ADAMTS7: variants seen among roughly 807,000 people sequenced by gnomAD.
The protein encoded by ADAMTS7 is A disintegrin and metalloproteinase with thrombospondin motifs 7.
ADAMTS7 carries 89 observed loss-of-function variants against 172.6 expected under a neutral mutation model. The ratio of observed to expected loss-of-function variants is 0.52; its 90% CI spans 0.43 to 0.61. The LOEUF (loss-of-function observed/expected upper bound fraction) is 0.61, where lower values mean the gene tolerates loss of function less well. Among genes scored for constraint, ADAMTS7 ranks in the 20% least tolerant of loss-of-function variants. The pLI, the probability that ADAMTS7 is intolerant of heterozygous loss-of-function variation, is 0.00. For missense variants in ADAMTS7, 1,973 were observed against 2,355.6 expected, an observed-to-expected ratio of 0.84 and a Z score of 3.36; for synonymous variants, 885 against 978.4, an observed-to-expected ratio of 0.90 and a Z score of 1.78.
rs1596193968 is a variant in ADAMTS7, at chr15:78,790,694, T to C, written c.1004A>G (p.His335Arg). The part of the protein sequence containing the change: ...NMKGDAHPLH[H>R]DTAILLTRKD... ...CCTGGTGAGCAGGATGGCAGTGTCA[T>C]GGTGCAGGGGATGGGCATCCCCCTT... Residue 335 changes from histidine (H) to arginine (R), a missense_variant, in exon 6 of 24, where the codon CAT becomes CGT. Physicochemically the swap from His to Arg is conservative, Grantham distance 29 (BLOSUM62 0). This residue lies in a region of ADAMTS7 where 526 missense variants were observed against 662.9 expected (regional missense o/e 0.79). Transcript: ENST00000388820. 1 of 1,613,904 alleles carries C rather than the reference T, an allele frequency of 6.2e-7. No homozygotes were observed. The highest frequency in any genetic ancestry group is 1.3e-5 in the African/African-American group (1 of 75,036).
rs548005559 is a variant in ADAMTS7 at position 78,764,085 on chromosome 15, G to A, written c.4434C>T (p.Cys1478=). ...SGNWSKCSRS[C]GGGSSVRDVQ... The stretch of plus-strand genomic sequence containing the variant: ...CGTCCCGCACTGAGGAACCTCCGCC[G>A]CAGCTGCGGGAGCACTGGGGACCGA... The change falls in exon 21 of 24, where the codon TGC becomes TGT. Residue 1478 remains cysteine, a synonymous_variant. Coordinates refer to ENST00000388820, the MANE Select transcript of ADAMTS7 (RefSeq NM_014272.5). 14 of 1,526,076 alleles carry A rather than the reference G, an allele frequency of 9.2e-6. No individual in the cohort carries two copies. Among genetic ancestry groups the A allele is most frequent in the East Asian group, 4.9e-5 (2 of 40,712 alleles). The allele number at this position is 1,526,076 out of a possible 1,614,324, so 94.5% of individuals were successfully genotyped here.
At position 78,765,954 on chromosome 15, in the gene ADAMTS7, G is replaced by A; in HGVS notation, c.3957C>T (p.Thr1319=). ...SLEPGTPSFP[T]PGPGSWDLQT... is the part of the protein sequence containing the mutation. ...GCAGGTCCCATGAGCCTGGTCCTGG[G>A]GTTGGGAAGGAGGGAGTCCCCGGCT... Residue 1319 remains threonine, a synonymous_variant, in exon 19 of 24, where the codon ACC becomes ACT. Transcript: ENST00000388820. 1.3e-6 allele frequency: 2 copies of A among 1,591,430 alleles called. No individual in the cohort carries two copies. The highest frequency in any genetic ancestry group is 1.7e-6 in the Non-Finnish European group (2 of 1,173,606).
At chr15:78,797,412 C>A (rs1395081644) in intron 3 of ADAMTS7, among the ~76,000 whole-genome samples, 1 of 152,268 alleles carries the variant, frequency 6.6e-6, no homozygotes, top group Non-Finnish European at 1.5e-5. Context: ...GCCAAGCATT[C>A]CCCAAACCCC....
At position 78,790,620 on chromosome 15, in the gene ADAMTS7, G is replaced by A. The variant is rs779520827; in HGVS notation, c.1028+50C>T. On this transcript the variant is annotated intron_variant, in intron 6 of 23. Transcript: ENST00000388820. Reference sequence around the variant, plus strand: ...CCACCAGGGCTTCTTCTGCAGGGCCGGGAAGCACCTCCTGAGATGCAGGCT... The same window carrying A: ...CCACCAGGGCTTCTTCTGCAGGGCCAGGAAGCACCTCCTGAGATGCAGGCT... The A allele has an allele frequency of 5.6e-6, 9 of 1,604,278 alleles. No homozygotes were observed. In the Admixed American group the frequency reaches 1.0e-4, roughly 18 times the overall value.
chr15:78,781,174 C>T (rs1446897691), intron 8 of ADAMTS7, among the ~76,000 whole-genome samples: 1 of 152,208 alleles, frequency 6.6e-6, no homozygotes, highest in Non-Finnish European at 1.5e-5. Context: ...GTCCTAGAAA[C>T]ACTGCCTGAC....
At chr15:78,774,322 T>A in intron 12 of ADAMTS7, 22 bp from the exon 13 acceptor site, 2 of 1,546,940 alleles carry the variant, frequency 1.3e-6, no homozygotes, top group South Asian at 1.2e-5. Context: ...AGTAGAAGAG[T>A]CATCAGCAAC....
chr15:78,793,595 C>T (rs2055608217), intron 4 of ADAMTS7, among the ~76,000 whole-genome samples: 1 of 152,158 alleles, frequency 6.6e-6, no homozygotes, highest in African/African-American at 2.4e-5. Flanking sequence ...TCACAGTGCA[C>T]TACTGGCATT....
Position 78,798,054 on chromosome 15 carries a change from C to G in ADAMTS7, c.516G>C (p.Pro172=), listed in dbSNP as rs779680709. The part of the protein sequence containing the change: ...DYFIEPLDSA[P]ARPGHAQPHV... ...GGGGCTGGGCGTGGCCAGGCCGGGC[C>G]GGGGCACTGTCCAGGGGCTCAATGA... Residue 172 remains proline (P), a synonymous_variant, in exon 3 of 24, where the codon CCG becomes CCC. Coordinates refer to ENST00000388820, the MANE Select transcript of ADAMTS7 (RefSeq NM_014272.5). 2 of 1,569,880 alleles carry G rather than the reference C, an allele frequency of 1.3e-6. No individual in the cohort carries two copies. Among genetic ancestry groups the G allele is most frequent in the Non-Finnish European group, 1.7e-6 (2 of 1,165,334 alleles).
In ADAMTS7 at chr15:78,774,178, C is replaced by T. The variant is rs368069631; in HGVS notation, c.1999G>A (p.Gly667Ser). Residue 667 changes from glycine (G) to serine (S), a missense_variant, in exon 13 of 24, where the codon GGC becomes AGC. Physicochemically the swap from Gly to Ser is moderately conservative, Grantham distance 56. This residue lies in a region of ADAMTS7 where 526 missense variants were observed against 662.9 expected (regional missense o/e 0.79). Transcript: ENST00000388820. ...CTAACCAGGCACACCTTACAGATGCCGTTGATGCAGAGGTCCCGGCTGGCT... is the reference window on the plus strand; with the variant it reads ...CTAACCAGGCACACCTTACAGATGCTGTTGATGCAGAGGTCCCGGCTGGCT... ...VRASRDLCIN[G>S]ICKNVGCDFE... 34 of 1,591,994 alleles carry T rather than the reference C, an allele frequency of 2.1e-5. No individual in the cohort carries two copies. The highest frequency in any genetic ancestry group is 6.7e-5 in the African/African-American group (5 of 74,888).
Position 78,800,539 on chromosome 15 carries a change from T to C in ADAMTS7, c.109A>G (p.Thr37Ala). ...GAPGPAPGRA[T>A]EGRAALDIVH... is the part of the protein sequence containing the mutation. ...ATGTCCAGTGCCGCCCGGCCCTCGGTTGCACGTCCTGCAGGGAGAGAACCA... is the reference window on the plus strand; with the variant it reads ...ATGTCCAGTGCCGCCCGGCCCTCGGCTGCACGTCCTGCAGGGAGAGAACCA... Residue 37 changes from threonine (T) to alanine (A), a missense_variant, in exon 2 of 24, where the codon ACC becomes GCC. Physicochemically the swap from Thr to Ala is moderately conservative, Grantham distance 58. Coordinates refer to ENST00000388820, the MANE Select transcript of ADAMTS7 (RefSeq NM_014272.5). The C allele has an allele frequency of 6.3e-7, 1 of 1,593,068 alleles. No homozygotes were observed. The highest frequency in any genetic ancestry group is 8.5e-7 in the Non-Finnish European group (1 of 1,170,176).
chr15:78,778,806 G>T (rs892820434), intron 8 of ADAMTS7, among the ~76,000 whole-genome samples: 2 of 152,198 alleles, frequency 1.3e-5, no homozygotes, highest in African/African-American at 4.8e-5. Flanking sequence ...CAGGCAGGGG[G>T]TTGCACAGGG....
At chr15:78,796,870 C>G in intron 3 of ADAMTS7, 84 bp from the exon 4 acceptor site, 2 of 1,276,202 alleles carry the variant, frequency 1.6e-6, no homozygotes, top group East Asian at 2.5e-5. Context: ...AGTGAGCTCT[C>G]TCTGGGGCAC....
chr15:78,800,729 T>A (rs1480378167), intron 1 of ADAMTS7, among the ~76,000 whole-genome samples, 182 bp from the exon 2 acceptor site: 2 of 152,228 alleles, frequency 1.3e-5, no homozygotes, highest in African/African-American at 4.8e-5. Context: ...TTTCTCCATC[T>A]GGATCGTTGC....
rs1567220731 is a variant in ADAMTS7 at position 78,777,440 on chromosome 15, T to G, written c.1467+4A>C. The G allele has an allele frequency of 6.2e-7, 1 of 1,611,516 alleles. No individual in the cohort carries two copies. The highest frequency in any genetic ancestry group is 8.5e-7 in the Non-Finnish European group (1 of 1,179,132). ...ACCCCCACACCCACACCGGCCCCAC[T>G]CACATCCATGTCCTCGCAGAAGGCA... On this transcript the variant is annotated splice_donor_region_variant and intron_variant, in intron 9 of 23. Coordinates refer to ENST00000388820, the MANE Select transcript of ADAMTS7 (RefSeq NM_014272.5).
At chr15:78,801,156 C>T (rs2055719861) in intron 1 of ADAMTS7, among the ~76,000 whole-genome samples, 1 of 152,162 alleles carries the variant, frequency 6.6e-6, no homozygotes, top group South Asian at 2.1e-4. Flanking sequence ...TCATTCAAAA[C>T]CAGCGCGATC....
chr15:78,802,744 C>T (rs1257041514), intron 1 of ADAMTS7, among the ~76,000 whole-genome samples: 1 of 152,188 alleles, frequency 6.6e-6, no homozygotes, highest in African/African-American at 2.4e-5. Flanking sequence ...TGCCTGTAAT[C>T]CTAGCACTTT....
intron 8 of ADAMTS7, among the ~76,000 whole-genome samples, chr15:78,778,126 G>A (rs184732069): frequency 6.4e-4 from 96 of 151,076 alleles, no homozygotes; most frequent in Middle Eastern, 3.4e-3. Context: ...CCCACACCCC[G>A]ACAGGGCTGG....
chr15:78,767,420 C>T lies in ADAMTS7; in HGVS notation c.2818G>A (p.Val940Ile). ...ACAGCCCAGGTGGCCGGACAGGGTA[C>T]ATGGCGGTTGCAAGGGGTTTCAGTA... The part of the protein sequence containing the change: ...PPTETPCNRH[V>I]PCPATWAVGN... The change falls in exon 18 of 24, where the codon GTA becomes ATA. Residue 940 changes from valine to isoleucine, a missense_variant. By Grantham distance (29) the Val-to-Ile change is conservative. Coordinates refer to ENST00000388820, the MANE Select transcript of ADAMTS7 (RefSeq NM_014272.5). 6.2e-7 allele frequency: 1 copy of T among 1,611,866 alleles called. No individual in the cohort carries two copies. The highest frequency in any genetic ancestry group is 8.5e-7 in the Non-Finnish European group (1 of 1,179,830).
chr15:78,806,787 A>G (rs2055803076), intron 1 of ADAMTS7, among the ~76,000 whole-genome samples: 1 of 151,916 alleles, frequency 6.6e-6, no homozygotes, highest in African/African-American at 2.4e-5. Context: ...TTTTTTTGAG[A>G]GAGAGTTTCG....
Sources: allele counts gnomAD v4.1 joint callset (sites outside exome capture counted in the v4.1 genomes callset), GRCh38; gene constraint gnomAD v4.1.1; regional missense constraint gnomAD v4.1.1; transcripts MANE v1.5; gene names NCBI Gene and HGNC (gene_info 2026-07-23, HGNC 2026-07-21).